The following CRACDL variants were observed in gnomAD, a reference collection of about 807,000 sequenced individuals.
CRACDL encodes CRACD like.
Under a neutral mutation model 70.6 loss-of-function variants are expected in CRACDL, and 26 were observed. The observed-to-expected ratio is 0.37, with a 90% CI of 0.27 to 0.51. The LOEUF is 0.51. Ranked by LOEUF, CRACDL falls within the 20% of genes least tolerant of loss-of-function variation. The pLI, the probability that CRACDL is intolerant of heterozygous loss-of-function variation, is 0.94. For synonymous variants in CRACDL, 618 were observed against 615.2 expected (o/e 1.00, Z -0.07); for missense variants, 1,283 against 1,376.9 (o/e 0.93, Z 1.08).
At chr2:98,845,228 T>TG (rs1208729238) in intron 2 of CRACDL, among the ~76,000 whole-genome samples, 10 of 150,978 alleles carry the variant, frequency 6.6e-5, no homozygotes, top group Non-Finnish European at 1.3e-4. Context: ...GGCAGGGTCT[T>TG]GCTTGTTGCC....
chr2:98,906,325 A>T (rs1708414476), intron 1 of CRACDL, among the ~76,000 whole-genome samples: 1 of 149,388 alleles, frequency 6.7e-6, no homozygotes, highest in East Asian at 2.0e-4. Context: ...GCAGTGGCGC[A>T]ATCTTGGCTC....
chr2:98,918,045 A>G (rs1438110734), intron 1 of CRACDL, among the ~76,000 whole-genome samples: 1 of 152,152 alleles, frequency 6.6e-6, no homozygotes, highest in African/African-American at 2.4e-5. Flanking sequence ...GGTTGATTCC[A>G]TATCTTTGCT....
intron 1 of CRACDL, among the ~76,000 whole-genome samples, chr2:98,854,326 A>G (rs1157878422): frequency 1.3e-5 from 2 of 150,646 alleles, no homozygotes; most frequent in Non-Finnish European, 3.0e-5. Flanking sequence ...CAGATGGGAT[A>G]CATTAAAAAG....
intron 1 of CRACDL, among the ~76,000 whole-genome samples, chr2:98,913,452 T>A (rs1708591303): frequency 6.6e-6 from 1 of 152,012 alleles, no homozygotes; most frequent in Non-Finnish European, 1.5e-5. Context: ...AGGGGAGTGC[T>A]TGGGGAACAG....
intron 1 of CRACDL, among the ~76,000 whole-genome samples, chr2:98,934,660 A>T (rs1455613862): frequency 6.6e-6 from 1 of 152,200 alleles, no homozygotes; most frequent in Non-Finnish European, 1.5e-5. Flanking sequence ...ATGCTTAGAG[A>T]GTAAGAACTT....
chr2:98,805,511 C>G lies in CRACDL; in HGVS notation c.2417-7974G>C, dbSNP rs138025720. ...GTGCACCCTCCGTAGGGCCTCACCCCCTTTGCCTTTTCTAACCACTGCCTC... is the reference window on the plus strand; with the variant it reads ...GTGCACCCTCCGTAGGGCCTCACCCGCTTTGCCTTTTCTAACCACTGCCTC... On this transcript the variant is annotated intron_variant, in intron 7 of 9. Transcript: ENST00000397899. 2.7e-3 allele frequency among the ~76,000 whole-genome samples: 404 copies of G among 152,210 alleles called. 4 individuals carry two copies. Among genetic ancestry groups the G allele is most frequent in the Middle Eastern group, 0.014 (4 of 294 alleles).
chr2:98,877,521 G>A (rs1174244619), intron 1 of CRACDL, among the ~76,000 whole-genome samples: 8 of 152,218 alleles, frequency 5.3e-5, no homozygotes, highest in South Asian at 2.1e-4. Flanking sequence ...CGAGGCAGGC[G>A]GATTACCTGA....
intron 2 of CRACDL, among the ~76,000 whole-genome samples, chr2:98,839,500 C>T (rs1055226469): frequency 1.3e-5 from 2 of 152,236 alleles, no homozygotes; most frequent in South Asian, 2.1e-4. Context: ...TATGCATCCT[C>T]GAAGGCCTGA....
At chr2:98,908,598 A>T (rs188702115) in intron 1 of CRACDL, 5 of 152,426 alleles carry the variant, frequency 3.3e-5, no homozygotes, top group Non-Finnish European at 5.9e-5. Flanking sequence ...CTATTGCTGC[A>T]AATGCCTATC....
chr2:98,920,331 C>T (rs1054445279), intron 1 of CRACDL, among the ~76,000 whole-genome samples: 1 of 152,168 alleles, frequency 6.6e-6, no homozygotes, highest in African/African-American at 2.4e-5. Context: ...CCACCTGTCA[C>T]ATCTACTGAC....
chr2:98,933,823 A>G (rs928664160), intron 1 of CRACDL, among the ~76,000 whole-genome samples: 7 of 152,296 alleles, frequency 4.6e-5, no homozygotes, highest in Middle Eastern at 3.4e-3. Flanking sequence ...TTCAGCTGCT[A>G]TAACAAAATA....
chr2:98,820,479 A>T (rs1177774757), intron 7 of CRACDL, among the ~76,000 whole-genome samples: 3 of 152,206 alleles, frequency 2.0e-5, no homozygotes, highest in Non-Finnish European at 1.5e-5. Context: ...GGTTGCAGTG[A>T]GCCAAGATCG....
At chr2:98,807,569 G>C (rs993888297) in intron 7 of CRACDL, among the ~76,000 whole-genome samples, 1 of 152,220 alleles carries the variant, frequency 6.6e-6, no homozygotes, top group African/African-American at 2.4e-5. Flanking sequence ...TGGAGCGTGG[G>C]CTGCAGTGAG....
chr2:98,866,472 C>CTTT (rs869154325), intron 1 of CRACDL, among the ~76,000 whole-genome samples: 9 of 107,804 alleles, frequency 8.3e-5, no homozygotes, highest in African/African-American at 1.4e-4. Flanking sequence ...ACAATCACTT[C>CTTT]TTCTTTTTTT....
In CRACDL at chr2:98,840,130, T is replaced by TA. The variant is rs35205889; in HGVS notation, c.71-1844dup. On this transcript the variant is annotated intron_variant, in intron 2 of 9. Coordinates refer to ENST00000397899, the MANE Select transcript of CRACDL (RefSeq NM_207362.3). The stretch of plus-strand genomic sequence containing the variant: ...TTTTTAGACTTTCCTGTTTTTATAA[T>TA]ATAATATTTAAGGCAATGCATTTCC... 2.5e-3 allele frequency among the ~76,000 whole-genome samples: 376 copies of TA among 152,290 alleles called. 13 individuals carry two copies. In the East Asian group the frequency reaches 0.067, roughly 27 times the overall value.
At chr2:98,811,305 A>T (rs937578359) in intron 7 of CRACDL, among the ~76,000 whole-genome samples, 1 of 151,756 alleles carries the variant, frequency 6.6e-6, no homozygotes, top group Middle Eastern at 3.2e-3. Context: ...AGGTCAGGAG[A>T]TAGAGACCAT....
At chr2:98,814,866 A>G (rs911232476) in intron 7 of CRACDL, among the ~76,000 whole-genome samples, 5 of 152,166 alleles carry the variant, frequency 3.3e-5, no homozygotes, top group Non-Finnish European at 5.9e-5. Context: ...GTTGTTAGGG[A>G]CACACACATT....
chr2:98,794,684 G>C lies in CRACDL; in HGVS notation c.2750-13C>G. ...ACTGCAGACTGAGCTGCTTGGAAGG[G>C]AGACAAAACCAACAGAAACATGAGC... On this transcript the variant is annotated splice_polypyrimidine_tract_variant and intron_variant, in intron 9 of 9. Coordinates refer to ENST00000397899, the MANE Select transcript of CRACDL (RefSeq NM_207362.3). The C allele has an allele frequency of 6.2e-7, 1 of 1,600,022 alleles. No individual in the cohort carries two copies.
intron 1 of CRACDL, among the ~76,000 whole-genome samples, chr2:98,922,196 G>A (rs969388928): frequency 6.6e-6 from 1 of 151,994 alleles, no homozygotes; most frequent in African/African-American, 2.4e-5. Context: ...AGCACTTTGG[G>A]AGGCTGAGGC....
Sources: gnomAD v4.1 joint callset for allele counts (sites outside exome capture counted in the v4.1 genomes callset) on GRCh38, gnomAD v4.1.1 for gene constraint, MANE v1.5 for transcripts, NCBI Gene and HGNC (gene_info 2026-07-23, HGNC 2026-07-21) for gene names.